Variants in PRPF6 observed in about 807,000 individuals in gnomAD.
PRPF6 encodes the protein pre-mRNA processing factor 6.
In PRPF6, 42 loss-of-function variants were observed where a neutral mutation model predicts 118.3. That is an observed-to-expected ratio of 0.35 (90% CI 0.28 to 0.46). The LOEUF is 0.46. Ranked by LOEUF, PRPF6 falls within the 20% of genes least tolerant of loss-of-function variation. PRPF6 has a pLI of 1.00. For synonymous variants in PRPF6, 481 were observed against 485.1 expected, an observed-to-expected ratio of 0.99 and a Z score of 0.11; for missense variants, 662 against 1,255.7, an observed-to-expected ratio of 0.53 and a Z score of 7.15.
In PRPF6 at chr20:64,028,932, G is replaced by A. The variant is rs372581636; in HGVS notation, c.2431+363G>A. Among the ~76,000 whole-genome samples, 1 of 152,076 alleles carries A rather than the reference G, an allele frequency of 6.6e-6. No homozygotes were observed. The highest frequency in any genetic ancestry group is 2.4e-5 in the African/African-American group (1 of 41,416). ...TCTCAGCACTTTGAGAGACTGAGGC[G>A]GGAGGATTGCTTGAGTCCAGGAGTC... is the stretch of plus-strand genomic sequence containing the variant. On this transcript the variant is annotated intron_variant, in intron 18 of 20. Transcript: ENST00000266079. The surrounding 1 kb of genome is among the most constrained non-coding windows in gnomAD (Gnocchi z 6.5).
rs200896269 is a variant in PRPF6 at position 64,029,919 on chromosome 20, CAT to C, written c.2546+429_2546+430del. Among the ~76,000 whole-genome samples, 3,642 of 150,434 alleles carry C rather than the reference CAT, an allele frequency of 0.024. 141 individuals are homozygous for C. Among genetic ancestry groups the C allele is most frequent in the African/African-American group, 0.085 (3,460 of 40,762 alleles). ...CCGGGTCAGAGACTCACTGGGGACA[CAT>C]GTGATTCACACTGGTGTGCTGGCCG... is the stretch of plus-strand genomic sequence containing the variant. On this transcript the variant is annotated intron_variant, in intron 19 of 20. Transcript: ENST00000266079. This position sits in a 1 kb window ranked among gnomAD's most constrained non-coding sequence, Gnocchi z 4.8.
chr20:63,991,412 G>A (rs2427581), intron 3 of PRPF6, among the ~76,000 whole-genome samples: 37,636 of 151,930 alleles, frequency 0.25, 5,745 homozygotes, highest in African/African-American at 0.42. Context: ...ACAGACCAAG[G>A]CCGTGTCTCT....
intron 12 of PRPF6, among the ~76,000 whole-genome samples, chr20:64,022,018 A>ATGTG (rs2059269162): frequency 1.3e-5 from 1 of 74,248 alleles, no homozygotes. Flanking sequence ...GTGTGTGTGC[A>ATGTG]TGCACGTATG....
intron 19 of PRPF6, among the ~76,000 whole-genome samples, chr20:64,031,447 G>A (rs1233694168): frequency 3.3e-5 from 5 of 152,160 alleles, no homozygotes; most frequent in Non-Finnish European, 5.9e-5. Context: ...GGCTGAGGCA[G>A]GTGGATCATG....
intron 11 of PRPF6, among the ~76,000 whole-genome samples, chr20:64,016,173 G>A (rs1179719053): frequency 1.3e-5 from 2 of 151,720 alleles, no homozygotes; most frequent in African/African-American, 2.4e-5. Context: ...CCAGGCTGGA[G>A]TGGAGTGGCG....
intron 20 of PRPF6, among the ~76,000 whole-genome samples, chr20:64,032,353 T>C (rs1211847728): frequency 5.3e-5 from 8 of 152,208 alleles, no homozygotes; most frequent in African/African-American, 1.7e-4. Context: ...GGGCTCACTT[T>C]AGGAATGGGA....
chr20:64,030,606 C>T (rs894865002), intron 19 of PRPF6, among the ~76,000 whole-genome samples: 3 of 152,152 alleles, frequency 2.0e-5, no homozygotes, highest in Admixed American at 6.5e-5. Flanking sequence ...CTGCCCTGTG[C>T]GTTCACCTCC....
rs1289560707 is a variant in PRPF6 at position 64,028,705 on chromosome 20, C to T, written c.2431+136C>T. ...CTTCCTGAGGGAGTGGGGGCTCAGG[C>T]TTCAGACGGACTTTATTAAAATGTG... On this transcript the variant is annotated intron_variant, in intron 18 of 20. Transcript: ENST00000266079. This position sits in a 1 kb window ranked among gnomAD's most constrained non-coding sequence, Gnocchi z 6.5. 3.4e-6 allele frequency: 3 copies of T among 872,030 alleles called. No individual in the cohort carries two copies. The East Asian group carries it at 8.0e-5, about 23-fold the overall frequency. 54.0% of individuals were successfully genotyped at this position (872,030 alleles called of 1,614,324 possible). A position where few individuals can be genotyped will look rare whatever the true frequency, so the allele number is the denominator to read the frequency against.
chr20:64,016,659 C>G, intron 11 of PRPF6, 64 bp from the exon 12 acceptor site: 1 of 1,600,834 alleles, frequency 6.2e-7, no homozygotes, highest in South Asian at 1.1e-5. Flanking sequence ...ACTCCGTACT[C>G]CCCGTTGGGA....
Position 64,029,291 on chromosome 20 carries a change from G to C in PRPF6, c.2432-86G>C. On this transcript the variant is annotated intron_variant, in intron 18 of 20. Transcript: ENST00000266079. This position sits in a 1 kb window ranked among gnomAD's most constrained non-coding sequence, Gnocchi z 4.8. Reference sequence around the variant, plus strand: ...GAGGCCCCTGTCGTGGTCTGAGGACGTCCCGGGTTAGAATCTGTAGGCTGG... The same window carrying C: ...GAGGCCCCTGTCGTGGTCTGAGGACCTCCCGGGTTAGAATCTGTAGGCTGG... 8.1e-7 allele frequency: 1 copy of C among 1,230,656 alleles called. No homozygotes were observed. Among genetic ancestry groups the C allele is most frequent in the Non-Finnish European group, 1.2e-6 (1 of 836,732 alleles). The allele number at this position is 1,230,656 out of a possible 1,614,324, so 76.2% of individuals were successfully genotyped here. A position where few individuals can be genotyped will look rare whatever the true frequency, so the allele number is the denominator to read the frequency against.
chr20:64,018,826 C>T (rs929286533), intron 12 of PRPF6, among the ~76,000 whole-genome samples: 4 of 152,084 alleles, frequency 2.6e-5, no homozygotes, highest in Non-Finnish European at 4.4e-5. Context: ...TCTACAGTAA[C>T]GAAGAGCTTC....
chr20:64,023,432 G>A (rs916930268), intron 13 of PRPF6, among the ~76,000 whole-genome samples: 1 of 152,208 alleles, frequency 6.6e-6, no homozygotes, highest in African/African-American at 2.4e-5. Context: ...TAGCTCTCAA[G>A]GGCATTGGGC....
rs960245630 is a variant in PRPF6 at position 63,981,331 on chromosome 20, G to A, written c.71+15G>A. ...CTGGGCCGGGGGTGAGGCCTGGGGCGGCGCGCGAGGGGCGGGGACCCGGCT... is the reference window on the plus strand; with the variant it reads ...CTGGGCCGGGGGTGAGGCCTGGGGCAGCGCGCGAGGGGCGGGGACCCGGCT... On this transcript the variant is annotated intron_variant, in intron 1 of 20. Transcript: ENST00000266079. The A allele has an allele frequency of 6.4e-7, 1 of 1,569,138 alleles. No individual in the cohort carries two copies. The highest frequency in any genetic ancestry group is 8.6e-7 in the Non-Finnish European group (1 of 1,156,944).
intron 1 of PRPF6, 144 bp downstream of exon 1, chr20:63,981,460 G>C: frequency 1.3e-6 from 1 of 793,206 alleles, no homozygotes. Context: ...GAAGCAACGG[G>C]CTTTGGGGTC....
intron 6 of PRPF6, among the ~76,000 whole-genome samples, chr20:63,998,841 CAA>C (rs543676271): frequency 3.1e-4 from 32 of 103,726 alleles, no homozygotes; most frequent in Admixed American, 5.0e-4. Flanking sequence ...GACTCCATCT[CAA>C]AAAAAAAAAA....
In PRPF6 at chr20:63,999,641, G is replaced by A. The variant is rs1043474019; in HGVS notation, c.905G>A (p.Arg302Gln). ...KKARLLLKSV[R>Q]ETNPHHPPAW... ...GCGCGACTGCTCCTCAAGTCTGTTC[G>A]GGAGACGAACCCTCATCACCCGCCA... The change falls in exon 8 of 21, where the codon CGG (arginine) becomes CAG (glutamine). Residue 302 changes from arginine (R) to glutamine (Q), a missense_variant. Transcript: ENST00000266079. The A allele has an allele frequency of 4.3e-6, 7 of 1,614,042 alleles. No homozygotes were observed. The highest frequency in any genetic ancestry group is 3.3e-5 in the Admixed American group (2 of 59,976).
intron 13 of PRPF6, 102 bp from the exon 14 acceptor site, chr20:64,024,453 G>T (rs1018049465): frequency 6.8e-6 from 10 of 1,467,644 alleles, no homozygotes; most frequent in Non-Finnish European, 9.5e-6. Context: ...TCGAACTTTG[G>T]AGCAGTAACT....
At chr20:63,985,716 C>T (rs1233117704) in intron 3 of PRPF6, among the ~76,000 whole-genome samples, 2 of 152,138 alleles carry the variant, frequency 1.3e-5, no homozygotes, top group African/African-American at 2.4e-5. Context: ...GAAGAAATCC[C>T]AAACCTGAAC....
At chr20:64,015,105 T>C (rs1485825991) in intron 11 of PRPF6, among the ~76,000 whole-genome samples, 1 of 152,228 alleles carries the variant, frequency 6.6e-6, no homozygotes, top group Non-Finnish European at 1.5e-5. Context: ...GTAAGAGATG[T>C]TTTTATATAT....
Sources: gnomAD v4.1 joint callset for allele counts (sites outside exome capture counted in the v4.1 genomes callset) on GRCh38, gnomAD v4.1.1 for gene constraint, Gnocchi (gnomAD v3.1) non-coding constraint, MANE v1.5 for transcripts, NCBI Gene and HGNC (gene_info 2026-07-23, HGNC 2026-07-21) for gene names.